RABGAP1L: variants seen among roughly 807,000 people sequenced by gnomAD.
The protein encoded by RABGAP1L is RAB GTPase activating protein 1 like, also known as rab GTPase-activating protein 1-like.
RABGAP1L carries 63 observed loss-of-function variants against 137.7 expected under a neutral mutation model. The observed-to-expected ratio is 0.46, with a 90% confidence interval of 0.37 to 0.56. The LOEUF (loss-of-function observed/expected upper bound fraction) is 0.56. RABGAP1L is among the 20% of genes least tolerant of loss of function. The probability of loss-of-function intolerance (pLI) is 0.00; values close to 1 mark genes in which losing one functional copy is unlikely to be tolerated. For synonymous variants in RABGAP1L, 431 were observed against 433.7 expected (o/e 0.99, Z 0.08); for missense variants, 1,095 against 1,244.0 (o/e 0.88, Z 1.80).
intron 19 of RABGAP1L, among the ~76,000 whole-genome samples, chr1:174,928,672 T>C (rs949367181): frequency 3.9e-5 from 6 of 152,154 alleles, no homozygotes; most frequent in African/African-American, 1.4e-4. Flanking sequence ...ACCTGCAATC[T>C]TTTGCAAATT....
rs73026442 is a variant in RABGAP1L, at chr1:174,693,081, T to C, written c.1900-6444T>C. ...AGGAATGATTGAATATAGGTTCTTGTAGATTATACCTTTATACAAAAGAAA... is the reference window on the plus strand; with the variant it reads ...AGGAATGATTGAATATAGGTTCTTGCAGATTATACCTTTATACAAAAGAAA... On this transcript the variant is annotated intron_variant, in intron 15 of 25. Transcript: ENST00000681986. 5.3e-3 allele frequency among the ~76,000 whole-genome samples: 809 copies of C among 152,310 alleles called. 9 individuals are homozygous for C. Among genetic ancestry groups the C allele is most frequent in the African/African-American group, 0.018 (765 of 41,572 alleles).
At chr1:174,430,143 G>C (rs1361713496) in intron 13 of RABGAP1L, among the ~76,000 whole-genome samples, 1 of 152,072 alleles carries the variant, frequency 6.6e-6, no homozygotes, top group Non-Finnish European at 1.5e-5. Context: ...CCAGCACTTT[G>C]GGAGGCCGAG....
chr1:174,458,850 T>C (rs565751104), intron 13 of RABGAP1L, among the ~76,000 whole-genome samples: 3 of 152,214 alleles, frequency 2.0e-5, no homozygotes, highest in African/African-American at 7.2e-5. Flanking sequence ...CTAAAAGAGT[T>C]AATTTACTTA....
At chr1:174,176,741 A>AAAAAT (rs1553248319) in intron 1 of RABGAP1L, among the ~76,000 whole-genome samples, 1 of 111,778 alleles carries the variant, frequency 8.9e-6, no homozygotes, top group African/African-American at 3.6e-5. Flanking sequence ...AAAAAAAAAA[A>AAAAAT]AAAAAGGTCA....
At chr1:174,663,988 A>G (rs2148427348) in intron 14 of RABGAP1L, among the ~76,000 whole-genome samples, 1 of 152,306 alleles carries the variant, frequency 6.6e-6, no homozygotes, top group South Asian at 2.1e-4. Flanking sequence ...TGCAAAAAAA[A>G]TACACATTAC....
chr1:174,965,448 T>A (rs141124094), intron 20 of RABGAP1L, among the ~76,000 whole-genome samples: 44 of 152,328 alleles, frequency 2.9e-4, no homozygotes, highest in African/African-American at 9.9e-4. Flanking sequence ...TCCAAGACCA[T>A]CAAAACCAAA....
chr1:174,754,814 A>G (rs1684601376), intron 18 of RABGAP1L, among the ~76,000 whole-genome samples: 1 of 152,208 alleles, frequency 6.6e-6, no homozygotes, highest in African/African-American at 2.4e-5. Context: ...CAAAGTGCTT[A>G]TGAATTGAGC....
chr1:174,607,169 A>G (rs1179292154), intron 13 of RABGAP1L, among the ~76,000 whole-genome samples: 1 of 152,216 alleles, frequency 6.6e-6, no homozygotes, highest in African/African-American at 2.4e-5. Context: ...TTTATATTTT[A>G]ACTGTCACCC....
chr1:174,856,019 A>G (rs1400806189), intron 19 of RABGAP1L, among the ~76,000 whole-genome samples: 2 of 152,326 alleles, frequency 1.3e-5, no homozygotes, highest in East Asian at 1.9e-4. Flanking sequence ...CTTTAAGCCT[A>G]TTTTTAATGA....
chr1:174,585,819 A>G (rs1669070015), intron 13 of RABGAP1L, among the ~76,000 whole-genome samples: 2 of 152,028 alleles, frequency 1.3e-5, no homozygotes, highest in African/African-American at 4.8e-5. Context: ...GCAGGCAAAA[A>G]GATAGAAGTT....
chr1:174,928,992 C>T (rs1292145848), intron 19 of RABGAP1L, among the ~76,000 whole-genome samples: 1 of 151,710 alleles, frequency 6.6e-6, no homozygotes, highest in Non-Finnish European at 1.5e-5. Context: ...GTTATGTTCT[C>T]ACTCATAGGT....
At chr1:174,451,348 G>A (rs1032752709) in intron 13 of RABGAP1L, among the ~76,000 whole-genome samples, 2 of 152,142 alleles carry the variant, frequency 1.3e-5, no homozygotes, top group African/African-American at 2.4e-5. Context: ...TGGATTCTGT[G>A]TACAGAAAGC....
At chr1:174,598,085 C>G (rs1208318879) in intron 13 of RABGAP1L, among the ~76,000 whole-genome samples, 1 of 152,054 alleles carries the variant, frequency 6.6e-6, no homozygotes, top group Non-Finnish European at 1.5e-5. Context: ...AATCCCAGAA[C>G]TTTGAGAGGC....
At chr1:174,516,314 A>C (rs181608316) in intron 13 of RABGAP1L, among the ~76,000 whole-genome samples, 2 of 152,054 alleles carry the variant, frequency 1.3e-5, no homozygotes. Context: ...TGCCAAATAC[A>C]TCTATACATG....
chr1:174,377,685 A>G (rs1355366348), intron 12 of RABGAP1L, among the ~76,000 whole-genome samples: 1 of 152,128 alleles, frequency 6.6e-6, no homozygotes, highest in African/African-American at 2.4e-5. Context: ...GATGTCAATC[A>G]TTACAAAGAC....
At chr1:174,414,223 G>C (rs1436971562) in intron 13 of RABGAP1L, among the ~76,000 whole-genome samples, 1 of 151,880 alleles carries the variant, frequency 6.6e-6, no homozygotes, top group Non-Finnish European at 1.5e-5. Context: ...TGTTATCACA[G>C]ATCTTCAAAA....
chr1:174,983,844 T>A (rs1390091886), intron 24 of RABGAP1L, among the ~76,000 whole-genome samples: 1 of 152,122 alleles, frequency 6.6e-6, no homozygotes, highest in East Asian at 1.9e-4. Context: ...AATGAGAGAT[T>A]TAGTGAGTAT....
chr1:174,637,904 T>C (rs1674192015), intron 14 of RABGAP1L, among the ~76,000 whole-genome samples: 2 of 152,376 alleles, frequency 1.3e-5, no homozygotes, highest in Admixed American at 1.3e-4. Context: ...ATGTTGTTGA[T>C]ATATTCTGAG....
At chr1:174,511,038 A>G (rs1309153857) in intron 13 of RABGAP1L, among the ~76,000 whole-genome samples, 1 of 152,222 alleles carries the variant, frequency 6.6e-6, no homozygotes, top group East Asian at 1.9e-4. Flanking sequence ...ACTACTAGTT[A>G]TGTTTCTTAA....
Sources: allele counts gnomAD v4.1 joint callset (sites outside exome capture counted in the v4.1 genomes callset), GRCh38; gene constraint gnomAD v4.1.1; transcripts MANE v1.5; gene names NCBI Gene and HGNC (gene_info 2026-07-23, HGNC 2026-07-21).